STX6: variants seen among roughly 807,000 people sequenced by gnomAD.
STX6 encodes the protein syntaxin 6, also known as syntaxin-6.
STX6 carries 23 observed loss-of-function variants against 38.0 expected under a neutral mutation model. The ratio of observed to expected loss-of-function variants is 0.60; its 90% CI spans 0.43 to 0.86. The LOEUF (loss-of-function observed/expected upper bound fraction) is 0.86. Ranked by LOEUF, STX6 falls within the 40% of genes least tolerant of loss-of-function variation. The pLI is 0.00. For synonymous variants in STX6, 123 were observed against 107.5 expected (o/e 1.14, Z -0.89); for missense variants, 274 against 312.9 (o/e 0.88, Z 0.94).
intron 3 of STX6, among the ~76,000 whole-genome samples, chr1:181,002,063 G>C (rs947050875): frequency 2.0e-5 from 3 of 152,136 alleles, no homozygotes; most frequent in African/African-American, 7.2e-5. Context: ...CCAGCTATTT[G>C]GGAGGCAGAG....
chr1:181,012,598 T>C (rs1468876251), intron 1 of STX6, among the ~76,000 whole-genome samples: 1 of 151,830 alleles, frequency 6.6e-6, no homozygotes, highest in Non-Finnish European at 1.5e-5. Context: ...ATGGAAACAC[T>C]GCCCACATCT....
At chr1:180,995,964 T>C (rs1327353785) in intron 3 of STX6, among the ~76,000 whole-genome samples, 2 of 152,184 alleles carry the variant, frequency 1.3e-5, no homozygotes, top group Non-Finnish European at 2.9e-5. Flanking sequence ...GTGTTCAGTT[T>C]ATAAATTTAT....
intron 1 of STX6, among the ~76,000 whole-genome samples, chr1:181,016,213 T>A (rs1468980832): frequency 7.1e-6 from 1 of 140,224 alleles, no homozygotes; most frequent in Admixed American, 7.3e-5. Flanking sequence ...TTGGCAGGTC[T>A]TCTTCCCATC....
intron 1 of STX6, among the ~76,000 whole-genome samples, chr1:181,011,674 AT>A (rs1245827644): frequency 6.6e-6 from 1 of 152,154 alleles, no homozygotes; most frequent in Non-Finnish European, 1.5e-5. Context: ...CCTATTTGAG[AT>A]TTGTGAGGGT....
chr1:181,008,918 G>A (rs1408903041), intron 1 of STX6, among the ~76,000 whole-genome samples: 2 of 151,754 alleles, frequency 1.3e-5, no homozygotes, highest in Non-Finnish European at 2.9e-5. Context: ...ATTCTCTCCA[G>A]TAAAAATGAG....
intron 2 of STX6, among the ~76,000 whole-genome samples, chr1:181,004,753 A>G (rs1460180109): frequency 2.6e-5 from 4 of 152,040 alleles, no homozygotes; most frequent in South Asian, 2.1e-4. Flanking sequence ...AATTCGATCT[A>G]TGGAGGGGGT....
rs1655207381 is a variant in STX6, at chr1:180,974,940, C to T, written c.*1630G>A. ...ATATTTTCTTAACCTACCATGATCTCAAATGAGATAAAATATCCTTCTTCA... is the reference window on the plus strand; with the variant it reads ...ATATTTTCTTAACCTACCATGATCTTAAATGAGATAAAATATCCTTCTTCA... On this transcript the variant is annotated 3_prime_UTR_variant, in exon 8 of 8. Transcript: ENST00000258301. The T allele has an allele frequency of 6.6e-6, 1 of 152,444 alleles. No individual in the cohort carries two copies. The highest frequency in any genetic ancestry group is 2.1e-4 in the South Asian group (1 of 4,814). 9.4% of individuals were successfully genotyped at this position (152,444 alleles called of 1,614,324 possible).
At chr1:180,993,018 T>C (rs1655797846) in intron 4 of STX6, among the ~76,000 whole-genome samples, 1 of 152,182 alleles carries the variant, frequency 6.6e-6, no homozygotes, top group Non-Finnish European at 1.5e-5. Context: ...ACAGTAATTA[T>C]AGCCCTTCAA....
chr1:181,011,636 C>T (rs1053879570), intron 1 of STX6, among the ~76,000 whole-genome samples: 2 of 152,200 alleles, frequency 1.3e-5, no homozygotes, highest in Admixed American at 6.5e-5. Context: ...TAAGTCAATT[C>T]ATAAAACAGT....
intron 3 of STX6, among the ~76,000 whole-genome samples, chr1:181,000,497 T>C (rs1300775043): frequency 2.6e-5 from 4 of 152,114 alleles, no homozygotes; most frequent in South Asian, 4.1e-4. Flanking sequence ...CTCACTATCA[T>C]GAGAACAGCA....
intron 5 of STX6, chr1:180,989,439 T>C (rs1340900071): frequency 7.1e-6 from 1 of 140,796 alleles, no homozygotes; most frequent in Non-Finnish European, 1.5e-5. Context: ...GAGGTTGCCG[T>C]GAGCCGAGAT....
In STX6 at chr1:181,013,701, A is replaced by ATCATG. The variant is rs1164120232; in HGVS notation, c.36-8243_36-8239dup. 3.9e-5 allele frequency among the ~76,000 whole-genome samples: 6 copies of ATCATG among 152,324 alleles called. No homozygotes were observed. The East Asian group carries it at 1.2e-3, about 29-fold the overall frequency. On this transcript the variant is annotated intron_variant, in intron 1 of 7. Transcript: ENST00000258301. Reference sequence around the variant, plus strand: ...ATTTAGTGGTGTAAAACAACCATTTATCATGTCATGGAGTCTGTAGATCAG... The same window carrying ATCATG: ...ATTTAGTGGTGTAAAACAACCATTTATCATGTCATGTCATGGAGTCTGTAGATCAG...
chr1:181,017,213 C>T (rs1253428289), intron 1 of STX6, among the ~76,000 whole-genome samples: 2 of 151,352 alleles, frequency 1.3e-5, no homozygotes, highest in African/African-American at 4.9e-5. Context: ...AGTGAAACCC[C>T]GTATCTACTG....
At chr1:180,981,812 G>C (rs1450025951) in intron 7 of STX6, among the ~76,000 whole-genome samples, 1 of 152,160 alleles carries the variant, frequency 6.6e-6, no homozygotes, top group Non-Finnish European at 1.5e-5. Context: ...TTCATGCATA[G>C]AAGGAACGGG....
intron 4 of STX6, among the ~76,000 whole-genome samples, chr1:180,992,741 T>C (rs1655788745): frequency 6.6e-6 from 1 of 152,210 alleles, no homozygotes; most frequent in Admixed American, 6.5e-5. Context: ...ATTTTAACAA[T>C]TAGAAAGGAG....
At chr1:181,016,686 T>C (rs958878820) in intron 1 of STX6, among the ~76,000 whole-genome samples, 2 of 152,216 alleles carry the variant, frequency 1.3e-5, no homozygotes, top group Non-Finnish European at 2.9e-5. Context: ...AAGCTAGATA[T>C]GCAGACAGAG....
At chr1:180,991,947 T>TTTAA (rs1655767887) in intron 4 of STX6, among the ~76,000 whole-genome samples, 1 of 147,842 alleles carries the variant, frequency 6.8e-6, no homozygotes, top group African/African-American at 2.5e-5. Context: ...AATTTATATA[T>TTTAA]ATATATTTAT....
chr1:180,992,613 TAACAGTTTAGC>T (rs1342349293), intron 4 of STX6, among the ~76,000 whole-genome samples: 1 of 152,188 alleles, frequency 6.6e-6, no homozygotes, highest in Non-Finnish European at 1.5e-5. Context: ...AAAAATTACC[TAACAGTTTAGC>T]AACAGGCAAA....
At chr1:181,000,057 T>C (rs1299787109) in intron 3 of STX6, among the ~76,000 whole-genome samples, 1 of 152,196 alleles carries the variant, frequency 6.6e-6, no homozygotes, top group Non-Finnish European at 1.5e-5. Context: ...TTTATTACAA[T>C]CAGATCAGCA....
Sources: allele counts gnomAD v4.1 joint callset (sites outside exome capture counted in the v4.1 genomes callset), GRCh38; gene constraint gnomAD v4.1.1; transcripts MANE v1.5; gene names NCBI Gene and HGNC (gene_info 2026-07-23, HGNC 2026-07-21).